Variants in TNRC18 observed in about 807,000 individuals in gnomAD.
TNRC18 encodes the protein trinucleotide repeat containing 18.
A neutral mutation model predicts 226.7 loss-of-function variants in TNRC18; 69 were observed. The observed-to-expected ratio is 0.30, with a 90% CI of 0.25 to 0.37. The LOEUF is 0.37. Among genes scored for constraint, TNRC18 ranks in the 10% least tolerant of loss-of-function variants. The pLI is 1.00. For synonymous variants in TNRC18, 2,449 were observed against 1,927.6 expected, an observed-to-expected ratio of 1.27 and a Z score of -7.09; for missense variants, 4,754 against 4,256.6, an observed-to-expected ratio of 1.12 and a Z score of -3.25.
rs1380971126 is a variant in TNRC18, at chr7:5,312,314, T to G, written c.8388+189A>C. Among the ~76,000 whole-genome samples the G allele has an allele frequency of 6.6e-6, 1 of 151,682 alleles. No homozygotes were observed. Among genetic ancestry groups the G allele is most frequent in the Non-Finnish European group, 1.5e-5 (1 of 67,950 alleles). On this transcript the variant is annotated intron_variant, in intron 27 of 29. Coordinates refer to ENST00000430969, the MANE Select transcript of TNRC18 (RefSeq NM_001080495.3). This position sits in a 1 kb window ranked among gnomAD's most constrained non-coding sequence, Gnocchi z 6.3. ...GCTCTGAAGGACTCGGGCATCGGAG[T>G]CCGACAGACCCAGGTGCCTGAGGAC...
chr7:5,331,203 T>C (rs893946502), intron 19 of TNRC18, among the ~76,000 whole-genome samples: 1 of 152,256 alleles, frequency 6.6e-6, no homozygotes, highest in Non-Finnish European at 1.5e-5. Context: ...GTTCCTCCTA[T>C]ATCAAGGGCT....
chr7:5,400,397 G>A (rs1055509787), intron 2 of TNRC18, among the ~76,000 whole-genome samples: 3 of 151,952 alleles, frequency 2.0e-5, no homozygotes, highest in African/African-American at 7.3e-5. Context: ...ATCACCTGAG[G>A]TCAGGGGTTC....
chr7:5,377,867 C>T lies in TNRC18; in HGVS notation c.2255+55G>A, dbSNP rs1779114095. 1.9e-6 allele frequency: 3 copies of T among 1,550,824 alleles called. No individual in the cohort carries two copies. On this transcript the variant is annotated intron_variant, in intron 6 of 29. Transcript: ENST00000430969. This position sits in a 1 kb window ranked among gnomAD's most constrained non-coding sequence, Gnocchi z 5.8. ...CCTGGGGTCATCCAGCTGCCCCTCA[C>T]CCCCAGGGGCTCCTAGATACCCCCT... is the stretch of plus-strand genomic sequence containing the variant.
intron 27 of TNRC18, among the ~76,000 whole-genome samples, chr7:5,310,972 GTGCATGCACGTGCA>G (rs1787128811): frequency 6.6e-6 from 1 of 152,242 alleles, no homozygotes; most frequent in Non-Finnish European, 1.5e-5. Context: ...GTGTACTCGT[GTGCATGCACGTGCA>G]TGGATGCACG....
At chr7:5,337,939 C>T (rs554117919) in intron 18 of TNRC18, among the ~76,000 whole-genome samples, 5 of 152,104 alleles carry the variant, frequency 3.3e-5, no homozygotes, top group African/African-American at 7.2e-5. Context: ...GCCAAGATCA[C>T]GCCACTGCAC....
chr7:5,415,225 C>G (rs1379890256), intron 2 of TNRC18, among the ~76,000 whole-genome samples: 1 of 152,138 alleles, frequency 6.6e-6, no homozygotes, highest in Non-Finnish European at 1.5e-5. Flanking sequence ...TCCACCTTCA[C>G]CACACTTTTC....
At chr7:5,337,022 G>A (rs1790185163) in intron 18 of TNRC18, among the ~76,000 whole-genome samples, 1 of 152,322 alleles carries the variant, frequency 6.6e-6, no homozygotes, top group East Asian at 1.9e-4. Context: ...ACTTGCAGAT[G>A]TTGGGTGTCA....
chr7:5,314,882 TAC>T lies in TNRC18; in HGVS notation c.7027+100_7027+101del, dbSNP rs1271712904. 4.5e-6 allele frequency: 6 copies of T among 1,321,538 alleles called. No homozygotes were observed. In the East Asian group the frequency reaches 1.5e-4, roughly 34 times the overall value. 81.9% of individuals were successfully genotyped at this position (1,321,538 alleles called of 1,614,324 possible). A position where few individuals can be genotyped will look rare whatever the true frequency, so the allele number is the denominator to read the frequency against. On this transcript the variant is annotated intron_variant, in intron 26 of 29. Transcript: ENST00000430969. ...GGCACTGCACCCGGCTCAGAGTTCT[TAC>T]AGACAGCAGGCAGGCACTTCGGCAG...
At chr7:5,370,216 G>C (rs927666029) in intron 11 of TNRC18, among the ~76,000 whole-genome samples, 159 bp downstream of exon 11, 1 of 152,114 alleles carries the variant, frequency 6.6e-6, no homozygotes, top group Non-Finnish European at 1.5e-5. Flanking sequence ...CAAGCTACTG[G>C]GGAGGCTGGG....
chr7:5,339,772 G>A (rs1256220445), intron 18 of TNRC18, among the ~76,000 whole-genome samples: 5 of 151,350 alleles, frequency 3.3e-5, no homozygotes, highest in South Asian at 2.1e-4. Flanking sequence ...GTTTCATCGT[G>A]TTGGTCAGGC....
chr7:5,339,822 G>A (rs781371248), intron 18 of TNRC18, among the ~76,000 whole-genome samples: 5 of 151,590 alleles, frequency 3.3e-5, no homozygotes, highest in Non-Finnish European at 5.9e-5. Context: ...CGCCCACCTC[G>A]GCCTCCCAAA....
Position 5,401,324 on chromosome 7 carries a change from C to T in TNRC18, c.188-6729G>A, listed in dbSNP as rs184279540. ...GCTTTGTCACTGCCAATGGGCTAGT[C>T]CAGAGTAGCTCCGGCCCACCTCTGC... On this transcript the variant is annotated intron_variant, in intron 2 of 29. Transcript: ENST00000430969. Among the ~76,000 whole-genome samples the T allele has an allele frequency of 3.0e-3, 453 of 152,236 alleles. 1 individual carries two copies. The highest frequency in any genetic ancestry group is 0.01 in the African/African-American group (434 of 41,536).
At chr7:5,347,256 C>T (rs1019822469) in intron 17 of TNRC18, among the ~76,000 whole-genome samples, 8 of 148,328 alleles carry the variant, frequency 5.4e-5, no homozygotes, top group Non-Finnish European at 7.4e-5. Context: ...GGCACGATTT[C>T]GGCGCACTGC....
intron 2 of TNRC18, among the ~76,000 whole-genome samples, chr7:5,403,253 C>G (rs1440172278): frequency 6.6e-6 from 1 of 151,908 alleles, no homozygotes; most frequent in African/African-American, 2.4e-5. Flanking sequence ...CTCTACCTCC[C>G]GGGTTCAAGC....
chr7:5,423,740 G>A lies in TNRC18; in HGVS notation c.-543C>T, dbSNP rs1462763242. On this transcript the variant is annotated 5_prime_UTR_variant, in exon 1 of 30. Transcript: ENST00000430969. ...CCCGCTTTTTAATAAAATCCAGGTA[G>A]CGCCGGTTTAAAGAATCCCAAATCT... Among the ~76,000 whole-genome samples the A allele has an allele frequency of 5.3e-5, 8 of 151,734 alleles. No individual in the cohort carries two copies. Among genetic ancestry groups the A allele is most frequent in the Non-Finnish European group, 1.0e-4 (7 of 67,936 alleles).
At chr7:5,351,306 C>G (rs1791783731) in intron 17 of TNRC18, among the ~76,000 whole-genome samples, 1 of 152,020 alleles carries the variant, frequency 6.6e-6, no homozygotes, top group African/African-American at 2.4e-5. Flanking sequence ...AAAATGAACT[C>G]GATATGTTTA....
intron 2 of TNRC18, among the ~76,000 whole-genome samples, chr7:5,414,415 CTTTT>C (rs1014137552): frequency 5.3e-4 from 80 of 151,118 alleles, no homozygotes; most frequent in East Asian, 2.1e-3. Flanking sequence ...AGTATTCTTT[CTTTT>C]GTTTTTTTTT....
Position 5,374,195 on chromosome 7 carries a change from TGGGA to T in TNRC18, c.3085_3088del (p.Ser1029ThrfsTer129). The T allele has an allele frequency of 3.9e-5, 4 of 102,534 alleles. No homozygotes were observed. Among genetic ancestry groups the T allele is most frequent in the Non-Finnish European group, 3.6e-5 (3 of 82,376 alleles). The allele number at this position is 102,534 out of a possible 1,614,324, so 6.4% of individuals were successfully genotyped here. A position where few individuals can be genotyped will look rare whatever the true frequency, so the allele number is the denominator to read the frequency against. On this transcript the variant is annotated frameshift_variant, in exon 10 of 30. Transcript: ENST00000430969. LOFTEE classifies it high-confidence loss of function. Reference sequence around the variant, plus strand: ...GGAGGCGGGCGGCGGGCTGGTGGGGTGGGAGCTGGGGGTGGCGGGGTAGGCGTAG... The same window carrying T: ...GGAGGCGGGCGGCGGGCTGGTGGGGTGCTGGGGGTGGCGGGGTAGGCGTAG...
chr7:5,310,053 C>T (rs1395158349), intron 27 of TNRC18, among the ~76,000 whole-genome samples: 4 of 152,070 alleles, frequency 2.6e-5, no homozygotes, highest in African/African-American at 9.7e-5. Context: ...GATGGGATTA[C>T]AGGAATCCAC....
Sources: gnomAD v4.1 joint callset for allele counts (sites outside exome capture counted in the v4.1 genomes callset) on GRCh38, gnomAD v4.1.1 for gene constraint, Gnocchi (gnomAD v3.1) non-coding constraint, MANE v1.5 for transcripts, NCBI Gene and HGNC (gene_info 2026-07-23, HGNC 2026-07-21) for gene names.